Variants in AUTS2 observed in about 807,000 individuals in gnomAD.
The protein encoded by AUTS2 is autism susceptibility gene 2 protein.
Under a neutral mutation model 112.4 loss-of-function variants are expected in AUTS2, and 17 were observed. That is an observed-to-expected ratio of 0.15 (90% CI 0.10 to 0.23). The LOEUF (loss-of-function observed/expected upper bound fraction) is 0.23, where lower values mean the gene tolerates loss of function less well. Among genes scored for constraint, AUTS2 ranks in the 10% least tolerant of loss-of-function variants. The probability of loss-of-function intolerance (pLI) is 1.00; values close to 1 mark genes in which losing one functional copy is unlikely to be tolerated. For missense variants in AUTS2, 1,510 were observed against 1,701.6 expected, an observed-to-expected ratio of 0.89 and a Z score of 1.98; for synonymous variants, 751 against 702.7, an observed-to-expected ratio of 1.07 and a Z score of -1.09.
chr7:69,604,355 G>C (rs1050841686), intron 1 of AUTS2, among the ~76,000 whole-genome samples: 2 of 152,192 alleles, frequency 1.3e-5, no homozygotes, highest in African/African-American at 4.8e-5. Context: ...TTTATGGAGT[G>C]CTTAATATGT....
At chr7:70,422,823 C>T (rs951461266) in intron 4 of AUTS2, among the ~76,000 whole-genome samples, 1 of 152,138 alleles carries the variant, frequency 6.6e-6, no homozygotes, top group African/African-American at 2.4e-5. Flanking sequence ...CATTCAGACA[C>T]CTACCACACT....
intron 2 of AUTS2, among the ~76,000 whole-genome samples, chr7:70,070,959 C>A (rs758824031): frequency 4.0e-5 from 6 of 151,222 alleles, no homozygotes; most frequent in Non-Finnish European, 7.4e-5. Flanking sequence ...CATTAGAAAG[C>A]CTTAACACTT....
chr7:69,853,121 A>C (rs1792563387), intron 1 of AUTS2, among the ~76,000 whole-genome samples: 1 of 152,112 alleles, frequency 6.6e-6, no homozygotes, highest in Non-Finnish European at 1.5e-5. Context: ...TGTTAAGTGT[A>C]GTGTGCTATA....
At chr7:69,964,422 A>G (rs571918937) in intron 2 of AUTS2, among the ~76,000 whole-genome samples, 1 of 152,226 alleles carries the variant, frequency 6.6e-6, no homozygotes, top group Non-Finnish European at 1.5e-5. Flanking sequence ...GGTTAATAAA[A>G]TATAAACTCA....
intron 4 of AUTS2, among the ~76,000 whole-genome samples, chr7:70,393,564 G>A (rs957885416): frequency 1.3e-5 from 2 of 152,110 alleles, no homozygotes; most frequent in African/African-American, 2.4e-5. Flanking sequence ...GGTAGTCTGT[G>A]TCTCACAAGC....
At chr7:70,274,707 A>G (rs1037235636) in intron 4 of AUTS2, among the ~76,000 whole-genome samples, 1 of 152,156 alleles carries the variant, frequency 6.6e-6, no homozygotes, top group Non-Finnish European at 1.5e-5. Context: ...TTATAATCGG[A>G]ATGGTAGAGA....
At chr7:70,553,903 G>A (rs1280543401) in intron 5 of AUTS2, among the ~76,000 whole-genome samples, 1 of 150,176 alleles carries the variant, frequency 6.7e-6, no homozygotes, top group Non-Finnish European at 1.5e-5. Flanking sequence ...AAGTAGCTGG[G>A]ATTACAGGCA....
At chr7:70,346,252 G>A (rs966190838) in intron 4 of AUTS2, among the ~76,000 whole-genome samples, 1 of 152,134 alleles carries the variant, frequency 6.6e-6, no homozygotes, top group Non-Finnish European at 1.5e-5. Context: ...CCATGAGCCT[G>A]GGTGATACTC....
chr7:70,520,242 A>G (rs1471783771), intron 5 of AUTS2, among the ~76,000 whole-genome samples: 1 of 152,168 alleles, frequency 6.6e-6, no homozygotes, highest in Admixed American at 6.5e-5. Context: ...ACATGCATAC[A>G]CACACACATG....
intron 1 of AUTS2, among the ~76,000 whole-genome samples, chr7:69,688,966 A>G (rs1290433783): frequency 6.6e-6 from 1 of 152,230 alleles, no homozygotes; most frequent in Non-Finnish European, 1.5e-5. Flanking sequence ...AATTAATTAC[A>G]TATAGATAAT....
chr7:70,001,712 T>A (rs1467810679), intron 2 of AUTS2, among the ~76,000 whole-genome samples: 2 of 116,178 alleles, frequency 1.7e-5, no homozygotes, highest in Non-Finnish European at 1.9e-5. Context: ...ATTGTCATAT[T>A]TTTTTTTTTT....
At chr7:70,182,102 G>A (rs1809346614) in intron 4 of AUTS2, among the ~76,000 whole-genome samples, 1 of 152,180 alleles carries the variant, frequency 6.6e-6, no homozygotes, top group Admixed American at 6.5e-5. Context: ...ACGCCCAGCT[G>A]AGCTAACTTT....
intron 4 of AUTS2, among the ~76,000 whole-genome samples, chr7:70,238,483 CT>C (rs1292300767): frequency 3.3e-5 from 5 of 152,164 alleles, no homozygotes; most frequent in African/African-American, 1.2e-4. Context: ...TTACTTTCCT[CT>C]TTTAGCTTAG....
chr7:70,498,197 T>C (rs1223321606), intron 5 of AUTS2, among the ~76,000 whole-genome samples: 1 of 152,048 alleles, frequency 6.6e-6, no homozygotes, highest in East Asian at 1.9e-4. Context: ...GATCAAGGAG[T>C]GTGGAAACCG....
intron 2 of AUTS2, among the ~76,000 whole-genome samples, chr7:69,949,654 T>C (rs1204517777): frequency 6.6e-6 from 1 of 152,238 alleles, no homozygotes; most frequent in Non-Finnish European, 1.5e-5. Context: ...CCTAATGTTA[T>C]CAGGAAATTT....
At chr7:70,359,455 G>A (rs1401342141) in intron 4 of AUTS2, among the ~76,000 whole-genome samples, 1 of 152,198 alleles carries the variant, frequency 6.6e-6, no homozygotes, top group African/African-American at 2.4e-5. Flanking sequence ...CTGCAGGCTA[G>A]GAAGTTCAAG....
At chr7:70,753,597 T>G (rs1789000408) in intron 6 of AUTS2, among the ~76,000 whole-genome samples, 2 of 152,188 alleles carry the variant, frequency 1.3e-5, no homozygotes, top group South Asian at 2.1e-4. Context: ...TGGAACAAAC[T>G]GGTCTCTGCT....
intron 5 of AUTS2, among the ~76,000 whole-genome samples, chr7:70,480,450 A>T (rs117971900): frequency 6.6e-6 from 1 of 152,344 alleles, no homozygotes; most frequent in East Asian, 1.9e-4. Context: ...GAGTCACAGA[A>T]CAGAGCAAGT....
intron 1 of AUTS2, among the ~76,000 whole-genome samples, chr7:69,699,413 G>A (rs1006268101): frequency 6.6e-6 from 1 of 151,974 alleles, no homozygotes; most frequent in Admixed American, 6.6e-5. Context: ...TCTGCCCTTT[G>A]TTATACCATA....
Sources: gnomAD v4.1 joint callset for allele counts (sites outside exome capture counted in the v4.1 genomes callset) on GRCh38, gnomAD v4.1.1 for gene constraint, MANE v1.5 for transcripts, NCBI Gene and HGNC (gene_info 2026-07-23, HGNC 2026-07-21) for gene names.